Variants in ENTPD1 observed in about 807,000 individuals in gnomAD.
ENTPD1 encodes the protein ATP diphosphohydrolase.
Under a neutral mutation model 57.0 loss-of-function variants are expected in ENTPD1, and 33 were observed. That is an observed-to-expected ratio of 0.58 (90% CI 0.44 to 0.77). The LOEUF (loss-of-function observed/expected upper bound fraction) is 0.77, where lower values mean the gene tolerates loss of function less well. ENTPD1 is among the 30% of genes least tolerant of loss of function. The probability of loss-of-function intolerance (pLI) is 0.00; values close to 1 mark genes in which losing one functional copy is unlikely to be tolerated. For missense variants in ENTPD1, 501 were observed against 603.4 expected (o/e 0.83, Z 1.78); for synonymous variants, 202 against 218.8 (o/e 0.92, Z 0.68).
chr10:95,854,387 C>T (rs2098450780), intron 7 of ENTPD1, among the ~76,000 whole-genome samples: 1 of 152,192 alleles, frequency 6.6e-6, no homozygotes, highest in African/African-American at 2.4e-5. Flanking sequence ...AAACCAGCTC[C>T]TGGATTCACT....
Position 95,869,348 on chromosome 10 carries a change from C to T in ENTPD1, c.*2965C>T. ...CACTGCAACCTCCGCCTCCTGGGTT[C>T]AAGCAATTCTCCTGCCTCAGCCTCC... is the stretch of plus-strand genomic sequence containing the variant. On this transcript the variant is annotated 3_prime_UTR_variant, in exon 10 of 10. Transcript: ENST00000371205. The T allele has an allele frequency of 3.7e-6, 3 of 805,182 alleles. No individual in the cohort carries two copies. Among genetic ancestry groups the T allele is most frequent in the Middle Eastern group, 6.4e-4 (1 of 1,568 alleles). The allele number at this position is 805,182 out of a possible 1,614,324, so 49.9% of individuals were successfully genotyped here.
Position 95,845,464 on chromosome 10 carries a change from C to G in ENTPD1, c.681C>G (p.Asn227Lys), listed in dbSNP as rs1299430902. 15 of 1,614,102 alleles carry G rather than the reference C, an allele frequency of 9.3e-6. No homozygotes were observed. In the South Asian group the frequency reaches 1.6e-4, roughly 18 times the overall value. The change falls in exon 6 of 10, where the codon AAC becomes AAG. Residue 227 changes from asparagine (N) to lysine (K), a missense_variant. Transcript: ENST00000371205. ...ASTQVTFVPQ[N>K]QTIESPDNAL... Reference sequence around the variant, plus strand: ...CACAAGTCACTTTTGTACCCCAAAACCAGACTATCGAGTCCCCAGATAATG... The same window carrying G: ...CACAAGTCACTTTTGTACCCCAAAAGCAGACTATCGAGTCCCCAGATAATG...
chr10:95,864,660 A>G, intron 8 of ENTPD1, 64 bp from the exon 9 acceptor site: 3 of 1,605,228 alleles, frequency 1.9e-6, no homozygotes, highest in Non-Finnish European at 2.6e-6. Context: ...GCTAGTAGAG[A>G]AAAAGAGGGC....
chr10:95,812,039 T>C (rs1371684430), intron 1 of ENTPD1, among the ~76,000 whole-genome samples: 1 of 152,236 alleles, frequency 6.6e-6, no homozygotes, highest in African/African-American at 2.4e-5. Flanking sequence ...TTTTTACTCC[T>C]ACAAACATAC....
chr10:95,858,643 A>G (rs1224354541), intron 7 of ENTPD1, among the ~76,000 whole-genome samples: 1 of 152,172 alleles, frequency 6.6e-6, no homozygotes, highest in African/African-American at 2.4e-5. Context: ...CACCTGGGAT[A>G]CAATGATAAT....
chr10:95,748,108 C>T (rs956464324), intron 1 of ENTPD1, among the ~76,000 whole-genome samples: 1 of 152,090 alleles, frequency 6.6e-6, no homozygotes, highest in Non-Finnish European at 1.5e-5. Context: ...CTCCTGACCT[C>T]GTGATCCGCC....
upstream of ENTPD1, chr10:95,754,996 A>G (rs2098018792): frequency 1.3e-5 from 2 of 152,244 alleles, no homozygotes; most frequent in South Asian, 2.1e-4. Flanking sequence ...AATGATTTAT[A>G]TGGTATAACT....
chr10:95,807,198 A>G (rs1167495844), intron 1 of ENTPD1, among the ~76,000 whole-genome samples: 1 of 152,002 alleles, frequency 6.6e-6, no homozygotes, highest in African/African-American at 2.4e-5. Context: ...TTGTTTACCT[A>G]CTCAAGCCTC....
upstream of ENTPD1, chr10:95,755,710 G>C (rs1444058819): frequency 6.5e-7 from 1 of 1,537,124 alleles, no homozygotes; most frequent in African/African-American, 1.4e-5. Flanking sequence ...GGGACCAGAG[G>C]CTTTATGGGG....
chr10:95,847,304 G>A, intron 6 of ENTPD1, 142 bp from the exon 7 acceptor site: 2 of 945,294 alleles, frequency 2.1e-6, no homozygotes, highest in South Asian at 2.7e-5. Context: ...ATTCCTAAGG[G>A]TAAAAAGGCA....
intron 1 of ENTPD1, among the ~76,000 whole-genome samples, chr10:95,789,333 G>C (rs1407826438): frequency 6.6e-6 from 1 of 152,128 alleles, no homozygotes; most frequent in Non-Finnish European, 1.5e-5. Flanking sequence ...TTGATACGTG[G>C]CAAAGTCTTA....
At chr10:95,771,566 T>C (rs1233852158) in intron 1 of ENTPD1, among the ~76,000 whole-genome samples, 1 of 152,210 alleles carries the variant, frequency 6.6e-6, no homozygotes, top group Non-Finnish European at 1.5e-5. Flanking sequence ...ATGCTTTCTA[T>C]AGCATTTCAG....
chr10:95,789,381 C>G (rs572404053), intron 1 of ENTPD1, among the ~76,000 whole-genome samples: 1 of 152,144 alleles, frequency 6.6e-6, no homozygotes, highest in African/African-American at 2.4e-5. Context: ...AAAGAAAGCT[C>G]CAGTCACTTG....
chr10:95,790,366 G>A (rs1338086960), intron 1 of ENTPD1, among the ~76,000 whole-genome samples: 1 of 152,124 alleles, frequency 6.6e-6, no homozygotes, highest in African/African-American at 2.4e-5. Context: ...TGTGTTATTG[G>A]TCAACAGACT....
intron 2 of ENTPD1, among the ~76,000 whole-genome samples, chr10:95,823,996 C>T (rs1451342615): frequency 1.3e-5 from 2 of 152,156 alleles, no homozygotes; most frequent in African/African-American, 4.8e-5. Context: ...CATTAAAGAT[C>T]ATTAGGATCA....
rs960862316 is a variant in ENTPD1, at chr10:95,875,838, C to G, written c.*9455C>G. 3.9e-6 allele frequency: 1 copy of G among 254,350 alleles called. No homozygotes were observed. Among genetic ancestry groups the G allele is most frequent in the Non-Finnish European group, 6.2e-6 (1 of 161,516 alleles). The allele number at this position is 254,350 out of a possible 1,614,324, so 15.8% of individuals were successfully genotyped here. A position where few individuals can be genotyped will look rare whatever the true frequency, so the allele number is the denominator to read the frequency against. ...ACCATCAGATCTCGTGAGACTTATTCACTATCACAAGAATAGCATGGGAAA... is the reference window on the plus strand; with the variant it reads ...ACCATCAGATCTCGTGAGACTTATTGACTATCACAAGAATAGCATGGGAAA... On this transcript the variant is annotated 3_prime_UTR_variant, in exon 10 of 10. Coordinates refer to ENST00000371205, the MANE Select transcript of ENTPD1 (RefSeq NM_001776.6).
In ENTPD1 at chr10:95,825,663, C is replaced by T. The variant is rs891729985; in HGVS notation, c.144+2299C>T. ...CACGATCTCGGCTCACTGAAAGCTCCACCTCCTGGGTTCACGTCGTTCTCC... is the reference window on the plus strand; with the variant it reads ...CACGATCTCGGCTCACTGAAAGCTCTACCTCCTGGGTTCACGTCGTTCTCC... On this transcript the variant is annotated intron_variant, in intron 2 of 9. Coordinates refer to ENST00000371205, the MANE Select transcript of ENTPD1 (RefSeq NM_001776.6). 9.2e-5 allele frequency among the ~76,000 whole-genome samples: 14 copies of T among 152,268 alleles called. No homozygotes were observed. The East Asian group carries it at 2.3e-3, about 25-fold the overall frequency.
Position 95,722,409 on chromosome 10 carries a change from A to G in ENTPD1, c.37+10416A>G, listed in dbSNP as rs138123989. On this transcript the variant is annotated intron_variant, in intron 1 of 9. Transcript: ENST00000453258. ...GCTGCACCCACCCAAATGTCCAACA[A>G]TGATAGACTGGATTAAGAAAATGTG... Among the ~76,000 whole-genome samples, 1,024 of 152,240 alleles carry G rather than the reference A, an allele frequency of 6.7e-3. 12 individuals are homozygous for G. The highest frequency in any genetic ancestry group is 0.023 in the African/African-American group (962 of 41,524).
At chr10:95,860,098 T>C (rs1176216982) in intron 7 of ENTPD1, among the ~76,000 whole-genome samples, 1 of 152,118 alleles carries the variant, frequency 6.6e-6, no homozygotes, top group Non-Finnish European at 1.5e-5. Flanking sequence ...AACTCAATAG[T>C]GTTGTATAGA....
Sources: gnomAD v4.1 joint callset for allele counts (sites outside exome capture counted in the v4.1 genomes callset) on GRCh38, gnomAD v4.1.1 for gene constraint, MANE v1.5 for transcripts, NCBI Gene and HGNC (gene_info 2026-07-23, HGNC 2026-07-21) for gene names.